The following EPC2 variants were observed in gnomAD, a reference collection of about 807,000 sequenced individuals.
The protein encoded by EPC2 is enhancer of polycomb homolog 2.
A neutral mutation model predicts 92.1 loss-of-function variants in EPC2; 14 were observed. That is an observed-to-expected ratio of 0.15 (90% CI 0.10 to 0.24). The LOEUF is 0.24. EPC2 is among the 10% of genes least tolerant of loss of function. The pLI is 1.00. For synonymous variants in EPC2, 340 were observed against 334.7 expected (o/e 1.02, Z -0.17); for missense variants, 755 against 971.5 (o/e 0.78, Z 2.96).
At chr2:148,683,174 C>T (rs139294029) in intron 1 of EPC2, among the ~76,000 whole-genome samples, 67 of 151,914 alleles carry the variant, frequency 4.4e-4, no homozygotes, top group African/African-American at 1.5e-3. Context: ...TTTTGGTGCA[C>T]CCATCACCTG....
chr2:148,770,615 A>G (rs1683497769), intron 8 of EPC2, among the ~76,000 whole-genome samples, 177 bp from the exon 9 acceptor site: 1 of 152,176 alleles, frequency 6.6e-6, no homozygotes, highest in African/African-American at 2.4e-5. Flanking sequence ...TTTTGATTCA[A>G]TTTTGTAAAA....
intron 10 of EPC2, among the ~76,000 whole-genome samples, chr2:148,778,493 G>A (rs1210654236): frequency 6.6e-6 from 1 of 152,102 alleles, no homozygotes; most frequent in Non-Finnish European, 1.5e-5. Flanking sequence ...AAAATAACTA[G>A]TAGAGAAAGT....
At chr2:148,778,648 A>T (rs1683693220) in intron 10 of EPC2, among the ~76,000 whole-genome samples, 1 of 151,582 alleles carries the variant, frequency 6.6e-6, no homozygotes, top group African/African-American at 2.4e-5. Context: ...TCCTCCCTGA[A>T]ATAATAAAGG....
chr2:148,785,684 G>C (rs1198672309), intron 13 of EPC2, among the ~76,000 whole-genome samples: 1 of 152,166 alleles, frequency 6.6e-6, no homozygotes, highest in Non-Finnish European at 1.5e-5. Flanking sequence ...CTCCATGCCA[G>C]AGTTTAGGTT....
At chr2:148,689,859 C>A (rs1473552329) in intron 1 of EPC2, among the ~76,000 whole-genome samples, 2 of 152,070 alleles carry the variant, frequency 1.3e-5, no homozygotes, top group Non-Finnish European at 2.9e-5. Flanking sequence ...AAATTTATTT[C>A]CTGTAATTTG....
chr2:148,725,017 G>A (rs1013348114), intron 2 of EPC2, among the ~76,000 whole-genome samples: 7 of 151,980 alleles, frequency 4.6e-5, no homozygotes, highest in Non-Finnish European at 1.0e-4. Flanking sequence ...CTTTGGCCTT[G>A]TTCTAGTAGT....
chr2:148,750,938 G>C (rs1273148073), intron 3 of EPC2, among the ~76,000 whole-genome samples: 1 of 152,088 alleles, frequency 6.6e-6, no homozygotes, highest in African/African-American at 2.4e-5. Context: ...GGCAGTCCCA[G>C]ATGGAAATTT....
intron 2 of EPC2, among the ~76,000 whole-genome samples, chr2:148,706,919 G>A (rs1460002689): frequency 1.3e-5 from 2 of 152,072 alleles, no homozygotes; most frequent in Non-Finnish European, 1.5e-5. Context: ...GACCATCGAT[G>A]CTAGGAAGAC....
chr2:148,730,545 A>G (rs1458188680), intron 2 of EPC2, among the ~76,000 whole-genome samples: 3 of 152,204 alleles, frequency 2.0e-5, no homozygotes, highest in East Asian at 1.9e-4. Context: ...CCCCAAATCT[A>G]CTGGATCAGA....
At position 148,784,831 on chromosome 2, in the gene EPC2, G is replaced by C; in HGVS notation, c.2181G>C (p.Leu727=). The part of the protein sequence containing the change: ...PQTLPMNNSC[L]TNAVHLNNVS... ...CACTTCCCATGAACAATTCCTGCCT[G>C]ACAAATGCAGTGCACCTCAATAATG... is the stretch of plus-strand genomic sequence containing the variant. The change falls in exon 13 of 14, where the codon CTG becomes CTC. Residue 727 remains leucine (L), a synonymous_variant. Coordinates refer to ENST00000258484, the MANE Select transcript of EPC2 (RefSeq NM_015630.4). The C allele has an allele frequency of 6.2e-7, 1 of 1,613,920 alleles. No homozygotes were observed. Among genetic ancestry groups the C allele is most frequent in the Non-Finnish European group, 8.5e-7 (1 of 1,179,870 alleles).
At chr2:148,735,435 A>G (rs1320204411) in intron 2 of EPC2, among the ~76,000 whole-genome samples, 2 of 151,924 alleles carry the variant, frequency 1.3e-5, no homozygotes, top group Admixed American at 6.6e-5. Flanking sequence ...ACCTTTTCCT[A>G]TCTTTGGGTC....
intron 1 of EPC2, among the ~76,000 whole-genome samples, chr2:148,660,586 T>A (rs78250030): frequency 0.038 from 5,770 of 151,956 alleles, 147 homozygotes; most frequent in Middle Eastern, 0.054. Flanking sequence ...TTTTTTTTTT[T>A]AAGTCCTTAA....
At position 148,746,441 on chromosome 2, in the gene EPC2, G is replaced by A. The variant is rs60125350; in HGVS notation, c.459+2674G>A. Among the ~76,000 whole-genome samples the A allele has an allele frequency of 2.9e-3, 438 of 151,898 alleles. 2 individuals carry two copies. The highest frequency in any genetic ancestry group is 9.5e-3 in the African/African-American group (394 of 41,422). ...TTCATTGATAACTAATTCACTTCAG[G>A]GTTTGTCAGGTTTTATCAAAGCACT... is the stretch of plus-strand genomic sequence containing the variant. On this transcript the variant is annotated intron_variant, in intron 3 of 13. Coordinates refer to ENST00000258484, the MANE Select transcript of EPC2 (RefSeq NM_015630.4).
intron 7 of EPC2, 32 bp downstream of exon 7, chr2:148,765,178 C>T: frequency 7.7e-6 from 11 of 1,436,146 alleles, no homozygotes; most frequent in Non-Finnish European, 1.0e-5. Flanking sequence ...AAAGATATTT[C>T]TTCTTAGTAT....
At chr2:148,724,492 G>A (rs183471702) in intron 2 of EPC2, among the ~76,000 whole-genome samples, 18 of 151,874 alleles carry the variant, frequency 1.2e-4, no homozygotes, top group African/African-American at 2.7e-4. Context: ...TTAAAGTCTC[G>A]TTTTATCTTC....
At chr2:148,727,381 T>C (rs931225284) in intron 2 of EPC2, among the ~76,000 whole-genome samples, 1 of 152,236 alleles carries the variant, frequency 6.6e-6, no homozygotes, top group Non-Finnish European at 1.5e-5. Context: ...ATATTTCTGA[T>C]GTCTTCTGTA....
intron 3 of EPC2, among the ~76,000 whole-genome samples, chr2:148,753,466 A>G (rs908044510): frequency 1.2e-4 from 18 of 152,202 alleles, no homozygotes; most frequent in African/African-American, 4.3e-4. Context: ...GTAAATTGCA[A>G]TATATTAGAG....
At chr2:148,756,041 A>G (rs1232818626) in intron 4 of EPC2, among the ~76,000 whole-genome samples, 1 of 152,200 alleles carries the variant, frequency 6.6e-6, no homozygotes, top group African/African-American at 2.4e-5. Context: ...AGCAGTATTT[A>G]TTGGCATATT....
chr2:148,650,462 T>G (rs1680658781), intron 1 of EPC2, among the ~76,000 whole-genome samples: 1 of 152,172 alleles, frequency 6.6e-6, no homozygotes, highest in South Asian at 2.1e-4. Context: ...TGATAAATCT[T>G]TATCTTGTTT....
Sources: allele counts gnomAD v4.1 joint callset (sites outside exome capture counted in the v4.1 genomes callset), GRCh38; gene constraint gnomAD v4.1.1; transcripts MANE v1.5; gene names NCBI Gene and HGNC (gene_info 2026-07-23, HGNC 2026-07-21).